The following ECE1 variants were observed in gnomAD, a reference collection of about 807,000 sequenced individuals.
The protein encoded by ECE1 is endothelin converting enzyme 1.
In ECE1, 35 loss-of-function variants were observed where a neutral mutation model predicts 98.6. The ratio of observed to expected loss-of-function variants is 0.35; its 90% CI spans 0.27 to 0.47. The LOEUF is 0.47. Ranked by LOEUF, ECE1 falls within the 20% of genes least tolerant of loss-of-function variation. The pLI is 1.00. For synonymous variants in ECE1, 394 were observed against 407.1 expected (o/e 0.97, Z 0.39); for missense variants, 814 against 1,025.3 (o/e 0.79, Z 2.81).
chr1:21,268,379 G>A (rs1014047462), intron 4 of ECE1, among the ~76,000 whole-genome samples: 1 of 152,238 alleles, frequency 6.6e-6, no homozygotes, highest in Non-Finnish European at 1.5e-5. Flanking sequence ...GCAGAGTGAG[G>A]TGCGAGGCAT....
chr1:21,246,202 T>A (rs979030099), intron 9 of ECE1, among the ~76,000 whole-genome samples: 6 of 152,226 alleles, frequency 3.9e-5, no homozygotes, highest in East Asian at 1.9e-4. Context: ...AAAAATTTTT[T>A]AAAAATTATA....
intron 3 of ECE1, among the ~76,000 whole-genome samples, chr1:21,273,334 CGTGCGTGT>C (rs1292581955): frequency 1.9e-4 from 24 of 124,040 alleles, no homozygotes; most frequent in African/African-American, 6.0e-4. Flanking sequence ...AGTGTGTGCC[CGTGCGTGT>C]GTGCGTGTGT....
At position 21,344,334 on chromosome 1, in the gene ECE1, T is replaced by C. The variant is rs192585882; in HGVS notation, c.3+1042A>G. 2.5e-3 allele frequency among the ~76,000 whole-genome samples: 374 copies of C among 152,258 alleles called. 3 individuals are homozygous for C. Among genetic ancestry groups the C allele is most frequent in the Non-Finnish European group, 1.7e-3 (115 of 68,004 alleles). On this transcript the variant is annotated intron_variant, in intron 1 of 18. Transcript: ENST00000415912. ...AGAAGTGGAGGGGCTGGATCACAGG[T>C]ACTGGCAGCCACCATCCCAGGCACA...
intron 1 of ECE1, among the ~76,000 whole-genome samples, chr1:21,300,488 G>A (rs1638460106): frequency 6.6e-6 from 1 of 152,042 alleles, no homozygotes; most frequent in African/African-American, 2.4e-5. Flanking sequence ...TAGCTGGAGT[G>A]TAGTAGTGCA....
At position 21,290,275 on chromosome 1, in the gene ECE1, C is replaced by T. The variant is rs1569674007; in HGVS notation, c.51+89G>A. 37 of 1,304,504 alleles carry T rather than the reference C, an allele frequency of 2.8e-5. 1 individual carries two copies. In the South Asian group the frequency reaches 4.7e-4, roughly 17 times the overall value. The allele number at this position is 1,304,504 out of a possible 1,614,324, so 80.8% of individuals were successfully genotyped here. On this transcript the variant is annotated intron_variant, in intron 1 of 18. Transcript: ENST00000374893. This position sits in a 1 kb window ranked among gnomAD's most constrained non-coding sequence, Gnocchi z 7.3. ...CGCGCCCCGCCCCGGCCTGGACACCCGAGACCGAGACCGGCCCACGGAGCG... is the reference window on the plus strand; with the variant it reads ...CGCGCCCCGCCCCGGCCTGGACACCTGAGACCGAGACCGGCCCACGGAGCG...
chr1:21,275,586 ACT>A (rs1355555467), intron 3 of ECE1, among the ~76,000 whole-genome samples: 3 of 152,126 alleles, frequency 2.0e-5, no homozygotes, highest in Non-Finnish European at 2.9e-5. Context: ...CAAGAGTGAG[ACT>A]CTGTCTCAAA....
intron 1 of ECE1, among the ~76,000 whole-genome samples, chr1:21,303,053 C>T (rs1029072057): frequency 2.6e-5 from 4 of 152,242 alleles, no homozygotes; most frequent in African/African-American, 9.6e-5. Flanking sequence ...CTCATGGCTC[C>T]TCATCCACTA....
At position 21,260,791 on chromosome 1, in the gene ECE1, T is replaced by A. The variant is rs2098225833; in HGVS notation, c.494-399A>T. On this transcript the variant is annotated intron_variant, in intron 4 of 18. Transcript: ENST00000374893. This position sits in a 1 kb window ranked among gnomAD's most constrained non-coding sequence, Gnocchi z 4.3. ...CCGGTCTTGGTTTTCAGATACCAGA[T>A]GATCTTTCTTGTGATAAAGACTGAA... is the stretch of plus-strand genomic sequence containing the variant. 6.6e-6 allele frequency among the ~76,000 whole-genome samples: 1 copy of A among 152,092 alleles called. No individual in the cohort carries two copies. Among genetic ancestry groups the A allele is most frequent in the African/African-American group, 2.4e-5 (1 of 41,336 alleles).
chr1:21,242,397 G>A (rs976448313), intron 10 of ECE1, among the ~76,000 whole-genome samples: 1 of 152,216 alleles, frequency 6.6e-6, no homozygotes, highest in Non-Finnish European at 1.5e-5. Context: ...GTCCTGTGAG[G>A]TGAGGTCAGG....
intron 1 of ECE1, among the ~76,000 whole-genome samples, chr1:21,341,819 T>C (rs1333819471): frequency 1.3e-5 from 2 of 151,980 alleles, no homozygotes; most frequent in Non-Finnish European, 2.9e-5. Context: ...CTTTTTTTTT[T>C]TTAAGATAGG....
At position 21,290,099 on chromosome 1, in the gene ECE1, C is replaced by T; in HGVS notation, c.109G>A (p.Glu37Lys). The T allele has an allele frequency of 1.9e-6, 3 of 1,548,820 alleles. No homozygotes were observed. Among genetic ancestry groups the T allele is most frequent in the South Asian group, 1.2e-5 (1 of 83,714 alleles). Residue 37 changes from glutamate to lysine, a missense_variant, in exon 2 of 19, where the codon GAG (glutamate) becomes AAG (lysine). Physicochemically the swap from Glu to Lys is moderately conservative, Grantham distance 56. Transcript: ENST00000374893. The surrounding 1 kb of genome is among the most constrained non-coding windows in gnomAD (Gnocchi z 7.3). Reference sequence around the variant, plus strand: ...AGGCCGTTGGGGTATGCGTCGCCCTCGGAGAGCGAGTCCACCAGGTCCTCC... The same window carrying T: ...AGGCCGTTGGGGTATGCGTCGCCCTTGGAGAGCGAGTCCACCAGGTCCTCC... ...DEEDLVDSLS[E>K]GDAYPNGLQV... is the part of the protein sequence containing the mutation.
At chr1:21,222,705 G>A (rs1167679677) in intron 17 of ECE1, among the ~76,000 whole-genome samples, 4 of 151,676 alleles carry the variant, frequency 2.6e-5, no homozygotes, top group Admixed American at 6.6e-5. Flanking sequence ...GCCGAGGTGC[G>A]GTGGCACATG....
chr1:21,278,092 G>A (rs1021771213), intron 3 of ECE1, among the ~76,000 whole-genome samples: 1 of 152,192 alleles, frequency 6.6e-6, no homozygotes, highest in South Asian at 2.1e-4. Flanking sequence ...CTCATGGGGT[G>A]AGCGACCGAG....
At chr1:21,301,050 G>A (rs947101947) in intron 1 of ECE1, among the ~76,000 whole-genome samples, 3 of 138,166 alleles carry the variant, frequency 2.2e-5, no homozygotes, top group East Asian at 1.9e-4. Flanking sequence ...CTGACCCAGT[G>A]TAGACAAAGC....
intron 10 of ECE1, 152 bp from the exon 11 acceptor site, chr1:21,238,396 A>G (rs960984899): frequency 1.4e-6 from 1 of 696,122 alleles, no homozygotes; most frequent in Non-Finnish European, 2.6e-6. Context: ...TAGTCACCGG[A>G]CCAAGAGGCC....
chr1:21,230,348 C>T (rs1434746889), intron 14 of ECE1, among the ~76,000 whole-genome samples: 1 of 152,130 alleles, frequency 6.6e-6, no homozygotes, highest in Admixed American at 6.6e-5. Flanking sequence ...CTCATCCCTC[C>T]CTTTCCCAAC....
At chr1:21,242,133 T>A (rs943148924) in intron 10 of ECE1, among the ~76,000 whole-genome samples, 4 of 152,194 alleles carry the variant, frequency 2.6e-5, no homozygotes, top group South Asian at 4.1e-4. Flanking sequence ...CCTCGTCTAA[T>A]CTTAGGCGGC....
rs758009517 is a variant in ECE1, at chr1:21,290,160, C to G, written c.52-4G>C. The G allele has an allele frequency of 6.4e-7, 1 of 1,563,788 alleles. No homozygotes were observed. Among genetic ancestry groups the G allele is most frequent in the Admixed American group, 1.8e-5 (1 of 54,718 alleles). ...TGGCCCGCTTGTACGTCGACATCTG[C>G]AAGGCCAAATGCAGCACGGACTCCC... On this transcript the variant is annotated splice_region_variant and splice_polypyrimidine_tract_variant and intron_variant, in intron 1 of 18. Transcript: ENST00000374893. The surrounding 1 kb of genome is among the most constrained non-coding windows in gnomAD (Gnocchi z 7.3).
At position 21,233,467 on chromosome 1, in the gene ECE1, A is replaced by C; in HGVS notation, c.1670+91T>G. 1 of 1,145,484 alleles carries C rather than the reference A, an allele frequency of 8.7e-7. No individual in the cohort carries two copies. The highest frequency in any genetic ancestry group is 1.9e-5 in the Admixed American group (1 of 54,022). 71.0% of individuals were successfully genotyped at this position (1,145,484 alleles called of 1,614,324 possible). A position where few individuals can be genotyped will look rare whatever the true frequency, so the allele number is the denominator to read the frequency against. ...GCTCTCGTGATAGCTGATCGGGTGC[A>C]CAGTGAGGGTGCAATGAAGGCCAGT... On this transcript the variant is annotated intron_variant, in intron 14 of 18. Transcript: ENST00000374893. The surrounding 1 kb of genome is among the most constrained non-coding windows in gnomAD (Gnocchi z 4.0).
Sources: allele counts gnomAD v4.1 joint callset (sites outside exome capture counted in the v4.1 genomes callset), GRCh38; gene constraint gnomAD v4.1.1; non-coding constraint Gnocchi (gnomAD v3.1); transcripts MANE v1.5; gene names NCBI Gene and HGNC (gene_info 2026-07-23, HGNC 2026-07-21).